The following FHAD1 variants were observed in gnomAD, a reference collection of about 807,000 sequenced individuals.
The protein encoded by FHAD1 is forkhead associated phosphopeptide binding domain 1, also known as forkhead-associated domain-containing protein 1.
A neutral mutation model predicts 191.3 loss-of-function variants in FHAD1; 146 were observed. The ratio of observed to expected loss-of-function variants is 0.76; its 90% CI spans 0.67 to 0.88. The LOEUF is 0.88. Ranked by LOEUF, FHAD1 falls within the 40% of genes least tolerant of loss-of-function variation. FHAD1 has a pLI of 0.00. For synonymous variants in FHAD1, 616 were observed against 672.3 expected (o/e 0.92, Z 1.29); for missense variants, 1,635 against 1,785.8 (o/e 0.92, Z 1.52).
chr1:15,290,422 CCT>C (rs757595439), intron 4 of FHAD1, among the ~76,000 whole-genome samples: 60 of 152,244 alleles, frequency 3.9e-4, no homozygotes, highest in Admixed American at 1.5e-3. Flanking sequence ...CATTTTCTGT[CCT>C]CTTTGTCCCA....
At chr1:15,247,846 C>G (rs1299453816) in intron 1 of FHAD1, among the ~76,000 whole-genome samples, 1 of 152,218 alleles carries the variant, frequency 6.6e-6, no homozygotes, top group Non-Finnish European at 1.5e-5. Flanking sequence ...GCTTCTCTAT[C>G]TCACTTGTGA....
Position 15,367,466 on chromosome 1 carries a change from A to G in FHAD1, c.3158A>G (p.Glu1053Gly). The G allele has an allele frequency of 6.4e-7, 1 of 1,551,048 alleles. No individual in the cohort carries two copies. The highest frequency in any genetic ancestry group is 1.4e-5 in the African/African-American group (1 of 73,112). The change falls in exon 25 of 34, where the codon GAG becomes GGG. Residue 1053 changes from glutamate to glycine, a missense_variant. Glu to Gly is a moderately conservative substitution (Grantham distance 98). Coordinates refer to ENST00000688493, the MANE Select transcript of FHAD1 (RefSeq NM_001391957.1). ...AHSRMSDLRG[E>G]LNEKQKMELE... ...CCGGCCCTCCTGTCACTCGCAGGGG[A>G]GCTAAACGAGAAGCAGAAGATGGAA... is the stretch of plus-strand genomic sequence containing the variant.
chr1:15,239,012 A>G (rs1645075630), intron 1 of FHAD1, among the ~76,000 whole-genome samples: 1 of 152,102 alleles, frequency 6.6e-6, no homozygotes, highest in South Asian at 2.1e-4. Context: ...GGCTGATGCA[A>G]TCCTCCTGCC....
At chr1:15,333,542 C>G (rs1682622679) in intron 14 of FHAD1, among the ~76,000 whole-genome samples, 1 of 152,122 alleles carries the variant, frequency 6.6e-6, no homozygotes. Flanking sequence ...AATGAGGAAA[C>G]TGGCTCAAAG....
intron 4 of FHAD1, among the ~76,000 whole-genome samples, chr1:15,294,496 C>T (rs1054244942): frequency 6.6e-6 from 1 of 152,084 alleles, no homozygotes; most frequent in Non-Finnish European, 1.5e-5. Context: ...CGGGTTCAAG[C>T]GATTCTCCTG....
intron 16 of FHAD1, among the ~76,000 whole-genome samples, chr1:15,344,217 A>G (rs1687958887): frequency 6.6e-6 from 1 of 152,190 alleles, no homozygotes; most frequent in Non-Finnish European, 1.5e-5. Flanking sequence ...TGTCCTGACT[A>G]AATGAGCCTT....
upstream of FHAD1, among the ~76,000 whole-genome samples, chr1:15,242,824 C>T (rs1445268504): frequency 6.6e-6 from 1 of 152,180 alleles, no homozygotes; most frequent in Non-Finnish European, 1.5e-5. Flanking sequence ...AAAAAGAAAA[C>T]AGGCAATAAT....
chr1:15,328,262 TC>T lies in FHAD1; in HGVS notation c.1558-14del. ...ACATCTTTTTTTTTTTTTTCCTTTTTCTTTTTCTCACCAGTTAATAGAGAAA... is the reference window on the plus strand; with the variant it reads ...ACATCTTTTTTTTTTTTTTCCTTTTTTTTTTCTCACCAGTTAATAGAGAAA... On this transcript the variant is annotated splice_polypyrimidine_tract_variant and intron_variant, in intron 12 of 33. Coordinates refer to ENST00000688493, the MANE Select transcript of FHAD1 (RefSeq NM_001391957.1). 6.8e-7 allele frequency: 1 copy of T among 1,464,836 alleles called. No individual in the cohort carries two copies. The highest frequency in any genetic ancestry group is 9.0e-7 in the Non-Finnish European group (1 of 1,107,330). The allele number at this position is 1,464,836 out of a possible 1,614,324, so 90.7% of individuals were successfully genotyped here.
intron 4 of FHAD1, among the ~76,000 whole-genome samples, chr1:15,292,590 A>G (rs1665236856): frequency 6.6e-6 from 1 of 152,132 alleles, no homozygotes; most frequent in Non-Finnish European, 1.5e-5. Flanking sequence ...CCGCCTTTAA[A>G]GAGGTAATTA....
chr1:15,251,189 T>G (rs1646725659), intron 1 of FHAD1, among the ~76,000 whole-genome samples: 1 of 151,472 alleles, frequency 6.6e-6, no homozygotes, highest in Admixed American at 6.6e-5. Flanking sequence ...GCAGGAGGAT[T>G]GCTTGAGCCC....
chr1:15,323,913 C>G (rs542256723), intron 10 of FHAD1, among the ~76,000 whole-genome samples: 108 of 152,252 alleles, frequency 7.1e-4, no homozygotes, highest in African/African-American at 2.5e-3. Context: ...TAAACAGTTA[C>G]AATAATAAAC....
At chr1:15,277,946 G>C (rs1659044463) in intron 3 of FHAD1, among the ~76,000 whole-genome samples, 1 of 152,158 alleles carries the variant, frequency 6.6e-6, no homozygotes. Context: ...AAAGTAAGAA[G>C]TATCTGTTGT....
Position 15,316,425 on chromosome 1 carries a change from GC to G in FHAD1, c.1219del (p.Leu407SerfsTer9), listed in dbSNP as rs1361556162. 6.4e-7 allele frequency: 1 copy of G among 1,551,640 alleles called. No homozygotes were observed. The highest frequency in any genetic ancestry group is 8.7e-7 in the Non-Finnish European group (1 of 1,147,020). ...TAAAACAGGAAGATGCTCACAGGGA[GC>G]TCAGGGAAGCCCAGGAGAAAGAGTT... ...ELKQEDAHRE[L>X]REAQEKELKL... On this transcript the variant is annotated frameshift_variant, in exon 9 of 34. Coordinates refer to ENST00000688493, the MANE Select transcript of FHAD1 (RefSeq NM_001391957.1). LOFTEE classifies it high-confidence loss of function. The surrounding 1 kb of genome is among the most constrained non-coding windows in gnomAD (Gnocchi z 4.3).
At chr1:15,304,968 C>T (rs748664982) in intron 6 of FHAD1, among the ~76,000 whole-genome samples, 45 of 152,272 alleles carry the variant, frequency 3.0e-4, no homozygotes, top group Middle Eastern at 3.4e-3. Flanking sequence ...TCCCCCCCGA[C>T]TCCCACCCTG....
At chr1:15,345,632 G>C (rs549865195) in intron 18 of FHAD1, 109 bp downstream of exon 18, 3 of 904,244 alleles carry the variant, frequency 3.3e-6, no homozygotes, top group Non-Finnish European at 5.2e-6. Context: ...AGCCTTCCTC[G>C]TGGAGTTTGC....
In FHAD1 at chr1:15,301,390, G is replaced by A. The variant is rs1198801478; in HGVS notation, c.864G>A (p.Leu288=). 8.4e-6 allele frequency: 13 copies of A among 1,551,810 alleles called. No homozygotes were observed. Among genetic ancestry groups the A allele is most frequent in the Non-Finnish European group, 1.0e-5 (12 of 1,147,016 alleles). Residue 288 remains leucine, a synonymous_variant, in exon 6 of 34, where the codon CTG becomes CTA. Transcript: ENST00000688493. ...EKEISQKCQV[L]DEDIDAKQKE... is the part of the protein sequence containing the mutation. Reference sequence around the variant, plus strand: ...AGATCTCGCAGAAGTGTCAGGTTCTGGATGAAGACATCGATGCCAAACAGA... The same window carrying A: ...AGATCTCGCAGAAGTGTCAGGTTCTAGATGAAGACATCGATGCCAAACAGA...
intron 13 of FHAD1, 68 bp downstream of exon 13, chr1:15,328,497 T>C: frequency 7.8e-7 from 1 of 1,281,836 alleles, no homozygotes; most frequent in East Asian, 3.0e-5. Context: ...ATTTGGGAAA[T>C]TGCCCAGCTT....
At chr1:15,247,158 AC>A (rs1299059139), upstream of FHAD1, 1 of 154,710 alleles carries the variant, frequency 6.5e-6, no homozygotes, top group African/African-American at 2.4e-5. Flanking sequence ...GCACGGTGCC[AC>A]GCCCCCTCTG....
In FHAD1 at chr1:15,341,837, G is replaced by A. The variant is rs780767246; in HGVS notation, c.2079G>A (p.Glu693=). 34 of 1,551,672 alleles carry A rather than the reference G, an allele frequency of 2.2e-5. No individual in the cohort carries two copies. The highest frequency in any genetic ancestry group is 2.7e-5 in the African/African-American group (2 of 73,048). Reference sequence around the variant, plus strand: ...AGAAGCTGAACGAGGAGAGGCTAGAGCAAGAGGAGAAGCTCAAAGCCAAAA... The same window carrying A: ...AGAAGCTGAACGAGGAGAGGCTAGAACAAGAGGAGAAGCTCAAAGCCAAAA... The part of the protein sequence containing the change: ...EKEKLNEERL[E]QEEKLKAKIR... Residue 693 remains glutamate (E), a synonymous_variant, in exon 16 of 34, where the codon GAG becomes GAA. Coordinates refer to ENST00000688493, the MANE Select transcript of FHAD1 (RefSeq NM_001391957.1).
Sources: gnomAD v4.1 joint callset for allele counts (sites outside exome capture counted in the v4.1 genomes callset) on GRCh38, gnomAD v4.1.1 for gene constraint, Gnocchi (gnomAD v3.1) non-coding constraint, MANE v1.5 for transcripts, NCBI Gene and HGNC (gene_info 2026-07-23, HGNC 2026-07-21) for gene names.